B4GALNT3: variants seen among roughly 807,000 people sequenced by gnomAD.
B4GALNT3 encodes the protein beta-1,4-N-acetylgalactosaminyltransferase 3.
B4GALNT3 carries 86 observed loss-of-function variants against 120.2 expected under a neutral mutation model. The observed-to-expected ratio is 0.72, with a 90% CI of 0.60 to 0.86. The LOEUF (loss-of-function observed/expected upper bound fraction) is 0.86, where lower values mean the gene tolerates loss of function less well. Ranked by LOEUF, B4GALNT3 falls within the 40% of genes least tolerant of loss-of-function variation. The pLI, the probability that B4GALNT3 is intolerant of heterozygous loss-of-function variation, is 0.00. For missense variants in B4GALNT3, 1,167 were observed against 1,298.9 expected (o/e 0.90, Z 1.56); for synonymous variants, 518 against 510.4 (o/e 1.01, Z -0.20).
intron 1 of B4GALNT3, among the ~76,000 whole-genome samples, chr12:494,106 C>A (rs1183914670): frequency 6.6e-6 from 1 of 151,810 alleles, no homozygotes; most frequent in Non-Finnish European, 1.5e-5. Context: ...CCCATCTCTA[C>A]AAAAAATACA....
intron 1 of B4GALNT3, among the ~76,000 whole-genome samples, chr12:524,258 G>A (rs892184977): frequency 5.3e-5 from 8 of 152,096 alleles, no homozygotes; most frequent in Non-Finnish European, 7.4e-5. Context: ...TGCCTTCTCC[G>A]TCCTATTTAT....
At chr12:560,959 A>T (rs555758179) in intron 19 of B4GALNT3, among the ~76,000 whole-genome samples, 3 of 152,298 alleles carry the variant, frequency 2.0e-5, no homozygotes, top group African/African-American at 7.2e-5. Context: ...GGCGCCAGTT[A>T]TGGGGCACTC....
intron 1 of B4GALNT3, among the ~76,000 whole-genome samples, chr12:510,949 A>G (rs1946541878): frequency 1.4e-5 from 2 of 145,008 alleles, no homozygotes; most frequent in Non-Finnish European, 3.0e-5. Flanking sequence ...AGTCACTCCC[A>G]ATTCTCCCCA....
intron 1 of B4GALNT3, among the ~76,000 whole-genome samples, chr12:512,553 G>A (rs865927349): frequency 8.9e-5 from 5 of 56,040 alleles, no homozygotes; most frequent in Non-Finnish European, 1.6e-4. Context: ...TTCCACCTTC[G>A]ACCTTCCACC....
At chr12:536,549 T>C (rs1946862559) in intron 3 of B4GALNT3, among the ~76,000 whole-genome samples, 1 of 152,254 alleles carries the variant, frequency 6.6e-6, no homozygotes, top group Admixed American at 6.5e-5. Context: ...GGTCTCACTA[T>C]GTCGGCCAGG....
chr12:545,697 AGGAGTGAGGAATGGGGAGGAGCGAGG>A (rs1946989055), intron 6 of B4GALNT3, among the ~76,000 whole-genome samples: 1 of 122,394 alleles, frequency 8.2e-6, no homozygotes, highest in Non-Finnish European at 1.7e-5. Flanking sequence ...AGGTGTGGGG[AGGAGTGAGGAATGGGGAGGAGCGAGG>A]TGTGGGGAGG....
At chr12:472,705 G>C (rs1946149002) in intron 1 of B4GALNT3, among the ~76,000 whole-genome samples, 1 of 152,140 alleles carries the variant, frequency 6.6e-6, no homozygotes, top group Non-Finnish European at 1.5e-5. Context: ...GCAAAGTGCT[G>C]GGATTACAGG....
At chr12:508,087 C>T (rs1442344728) in intron 1 of B4GALNT3, among the ~76,000 whole-genome samples, 5 of 152,362 alleles carry the variant, frequency 3.3e-5, no homozygotes, top group African/African-American at 4.8e-5. Flanking sequence ...AAAAATGACT[C>T]GGCCCAAGGT....
At position 548,412 on chromosome 12, in the gene B4GALNT3, G is replaced by A. The variant is rs1947035059; in HGVS notation, c.853+115G>A. On this transcript the variant is annotated intron_variant, in intron 9 of 19. Transcript: ENST00000266383. The surrounding 1 kb of genome is among the most constrained non-coding windows in gnomAD (Gnocchi z 4.9). ...GAGGAAGGAAGCTCGAGATGCTTGG[G>A]ACACGGGTATGAAGGGGTCCAGAAC... The A allele has an allele frequency of 2.1e-6, 2 of 959,332 alleles. No individual in the cohort carries two copies. Among genetic ancestry groups the A allele is most frequent in the Non-Finnish European group, 3.3e-6 (2 of 613,336 alleles). 59.4% of individuals were successfully genotyped at this position (959,332 alleles called of 1,614,324 possible).
intron 1 of B4GALNT3, among the ~76,000 whole-genome samples, chr12:516,097 G>A (rs373841035): frequency 1.3e-5 from 2 of 149,250 alleles, no homozygotes; most frequent in African/African-American, 5.0e-5. Flanking sequence ...AGTGAGCCGA[G>A]ATAGTGCCAC....
rs1947232548 is a variant in B4GALNT3 at position 561,539 on chromosome 12, G to C, written c.*88G>C. On this transcript the variant is annotated 3_prime_UTR_variant, in exon 20 of 20. Transcript: ENST00000266383. ...CTGCTACTGTTCAGGGATGGGGAGT[G>C]GGGTGACGGCTGGACCCCAAGAGGC... is the stretch of plus-strand genomic sequence containing the variant. 9.1e-7 allele frequency: 1 copy of C among 1,103,232 alleles called. No individual in the cohort carries two copies. The highest frequency in any genetic ancestry group is 1.3e-6 in the Non-Finnish European group (1 of 761,962). The allele number at this position is 1,103,232 out of a possible 1,614,324, so 68.3% of individuals were successfully genotyped here. A position where few individuals can be genotyped will look rare whatever the true frequency, so the allele number is the denominator to read the frequency against.
rs111211621 is a variant in B4GALNT3, at chr12:545,917, T to G, written c.639+448T>G. ...AGTGGGGAGGTGAGGAGTGGGGAGG[T>G]GCGAGGAGTGGGGAGGTGAGAGGAG... On this transcript the variant is annotated intron_variant, in intron 6 of 19. Transcript: ENST00000266383. Among the ~76,000 whole-genome samples the G allele has an allele frequency of 2.1e-3, 4 of 1,876 alleles. 1 individual carries two copies. Among genetic ancestry groups the G allele is most frequent in the Non-Finnish European group, 5.0e-3 (4 of 804 alleles). The allele number at this position is 1,876 out of a possible 152,430, so 1.2% of individuals were successfully genotyped here. A position where few individuals can be genotyped will look rare whatever the true frequency, so the allele number is the denominator to read the frequency against.
At position 553,309 on chromosome 12, in the gene B4GALNT3, C is replaced by G; in HGVS notation, c.1386C>G (p.Thr462=). ...AGGGAAGACAGACACCTGCCTCCAC[C>G]CTGGAGCAAGATGCCACTGACTACC... ...MLEGRQTPAS[T]LEQDATDYRL... Residue 462 remains threonine (T), a synonymous_variant, in exon 14 of 20, where the codon ACC becomes ACG. Coordinates refer to ENST00000266383, the MANE Select transcript of B4GALNT3 (RefSeq NM_173593.4). 1 of 1,613,672 alleles carries G rather than the reference C, an allele frequency of 6.2e-7. No homozygotes were observed. The highest frequency in any genetic ancestry group is 8.5e-7 in the Non-Finnish European group (1 of 1,180,018).
At chr12:510,401 G>T (rs1000221910) in intron 1 of B4GALNT3, among the ~76,000 whole-genome samples, 1 of 149,468 alleles carries the variant, frequency 6.7e-6, no homozygotes, top group Non-Finnish European at 1.5e-5. Flanking sequence ...AGGGCTAGCA[G>T]CTCCCCCGAT....
intron 1 of B4GALNT3, among the ~76,000 whole-genome samples, chr12:463,094 C>T (rs1235272644): frequency 6.6e-6 from 1 of 152,202 alleles, no homozygotes; most frequent in Non-Finnish European, 1.5e-5. Context: ...CACCCTGCCT[C>T]CCCTCTCTAG....
chr12:536,436 T>C (rs10466910), intron 3 of B4GALNT3, 141 bp downstream of exon 3: 275,797 of 587,908 alleles, frequency 0.47, 67,549 homozygotes, highest in African/African-American at 0.61. Flanking sequence ...ATAATGTTTA[T>C]GGATAATTCC....
intron 9 of B4GALNT3, among the ~76,000 whole-genome samples, chr12:549,207 C>T (rs953520383): frequency 6.6e-6 from 1 of 152,128 alleles, no homozygotes; most frequent in African/African-American, 2.4e-5. Flanking sequence ...CCCCCCACCC[C>T]CCTTCTCTGT....
Position 535,185 on chromosome 12 carries a change from A to G in B4GALNT3, c.189A>G (p.Glu63=), listed in dbSNP as rs761399475. 3 of 1,613,224 alleles carry G rather than the reference A, an allele frequency of 1.9e-6. No homozygotes were observed. Among genetic ancestry groups the G allele is most frequent in the Non-Finnish European group, 2.5e-6 (3 of 1,179,600 alleles). The part of the protein sequence containing the change: ...PLNRRYGSWR[E]LAKALASRNI... ...CCACAGGGTACGGCAGCTGGAGAGA[A>G]CTGGCCAAGGCTCTGGCCAGCAGGA... The change falls in exon 2 of 20, where the codon GAA becomes GAG. Residue 63 remains glutamate, a synonymous_variant. Transcript: ENST00000266383.
intron 1 of B4GALNT3, among the ~76,000 whole-genome samples, chr12:508,965 G>A (rs969461554): frequency 7.9e-5 from 12 of 152,204 alleles, no homozygotes; most frequent in African/African-American, 2.7e-4. Flanking sequence ...GGACAGAGGC[G>A]CATACCTTTA....
Sources: allele counts gnomAD v4.1 joint callset (sites outside exome capture counted in the v4.1 genomes callset), GRCh38; gene constraint gnomAD v4.1.1; non-coding constraint Gnocchi (gnomAD v3.1); transcripts MANE v1.5; gene names NCBI Gene and HGNC (gene_info 2026-07-23, HGNC 2026-07-21).